Variants in CNTN5 observed in about 807,000 individuals in gnomAD.
The protein encoded by CNTN5 is contactin-5.
In CNTN5, 77 loss-of-function variants were observed where a neutral mutation model predicts 129.1. That is an observed-to-expected ratio of 0.60 (90% CI 0.50 to 0.72). The LOEUF (loss-of-function observed/expected upper bound fraction) is 0.72. Ranked by LOEUF, CNTN5 falls within the 30% of genes least tolerant of loss-of-function variation. The pLI is 0.00. For synonymous variants in CNTN5, 509 were observed against 465.6 expected, an observed-to-expected ratio of 1.09 and a Z score of -1.20; for missense variants, 1,478 against 1,328.8, an observed-to-expected ratio of 1.11 and a Z score of -1.75.
chr11:99,894,339 C>A (rs1469387415), intron 6 of CNTN5, among the ~76,000 whole-genome samples: 1 of 151,748 alleles, frequency 6.6e-6, no homozygotes, highest in Non-Finnish European at 1.5e-5. Context: ...TATAAAGACA[C>A]CAGAGTCCTA....
chr11:99,871,564 A>T (rs2135813464), intron 6 of CNTN5, among the ~76,000 whole-genome samples: 1 of 152,170 alleles, frequency 6.6e-6, no homozygotes, highest in Admixed American at 6.5e-5. Flanking sequence ...GCATGTGTTT[A>T]ATGTCAGGTA....
intron 9 of CNTN5, among the ~76,000 whole-genome samples, chr11:100,019,518 A>G (rs1381854370): frequency 2.0e-5 from 3 of 151,990 alleles, no homozygotes; most frequent in African/African-American, 2.4e-5. Context: ...TACAAATGAC[A>G]GGATTTCCTT....
chr11:100,046,275 C>T (rs1359201852), intron 9 of CNTN5, among the ~76,000 whole-genome samples: 2 of 152,038 alleles, frequency 1.3e-5, no homozygotes, highest in Non-Finnish European at 2.9e-5. Flanking sequence ...ATTATGAATC[C>T]AGCAACCAAC....
chr11:99,962,890 G>T (rs1747566282), intron 8 of CNTN5, among the ~76,000 whole-genome samples: 2 of 150,574 alleles, frequency 1.3e-5, no homozygotes, highest in East Asian at 3.9e-4. Context: ...GTTTTGATTT[G>T]CATTTCTCTG....
intron 20 of CNTN5, among the ~76,000 whole-genome samples, chr11:100,307,245 A>T (rs923294011): frequency 2.0e-5 from 3 of 151,662 alleles, no homozygotes; most frequent in Admixed American, 6.6e-5. Flanking sequence ...TTGAAAAAAA[A>T]AATTCATAGA....
chr11:99,857,134 CTTTA>C (rs1193962900), intron 6 of CNTN5, among the ~76,000 whole-genome samples: 1 of 150,910 alleles, frequency 6.6e-6, no homozygotes. Flanking sequence ...CATATGATTC[CTTTA>C]TTTATTTCTG....
intron 2 of CNTN5, among the ~76,000 whole-genome samples, chr11:99,549,321 A>C (rs1262640769): frequency 6.6e-6 from 1 of 151,960 alleles, no homozygotes; most frequent in Non-Finnish European, 1.5e-5. Context: ...TTACTCTTTT[A>C]TGAATGGAGT....
intron 6 of CNTN5, among the ~76,000 whole-genome samples, chr11:99,880,568 A>G (rs1016031381): frequency 1.3e-5 from 2 of 152,164 alleles, no homozygotes; most frequent in African/African-American, 4.8e-5. Flanking sequence ...GCAGCTCCCA[A>G]GAGACTAATG....
At chr11:99,135,445 C>T (rs1045196107) in intron 1 of CNTN5, among the ~76,000 whole-genome samples, 7 of 152,020 alleles carry the variant, frequency 4.6e-5, no homozygotes, top group Admixed American at 1.3e-4. Flanking sequence ...AAAGACATTA[C>T]GGTGAACATA....
At chr11:99,500,417 A>T (rs1946384479) in intron 2 of CNTN5, among the ~76,000 whole-genome samples, 1 of 152,136 alleles carries the variant, frequency 6.6e-6, no homozygotes, top group Non-Finnish European at 1.5e-5. Context: ...AAATGGAAAA[A>T]ATATTTTTTT....
intron 1 of CNTN5, among the ~76,000 whole-genome samples, chr11:99,252,771 G>A (rs1443218640): frequency 6.6e-6 from 1 of 151,974 alleles, no homozygotes; most frequent in African/African-American, 2.4e-5. Flanking sequence ...AGTTTTTACT[G>A]AATTGATATT....
intron 2 of CNTN5, among the ~76,000 whole-genome samples, chr11:99,344,290 T>A (rs955850130): frequency 6.6e-6 from 1 of 152,188 alleles, no homozygotes; most frequent in African/African-American, 2.4e-5. Flanking sequence ...GAATTACCTT[T>A]CTCATTGTTT....
intron 2 of CNTN5, among the ~76,000 whole-genome samples, chr11:99,452,867 G>A (rs1051451027): frequency 1.3e-5 from 2 of 152,116 alleles, no homozygotes; most frequent in African/African-American, 4.8e-5. Flanking sequence ...AGGTAGCATA[G>A]CTAAAGAAAA....
intron 2 of CNTN5, among the ~76,000 whole-genome samples, chr11:99,532,165 C>A (rs1947734991): frequency 6.6e-6 from 1 of 152,140 alleles, no homozygotes; most frequent in African/African-American, 2.4e-5. Context: ...TGGCAATACA[C>A]CTCTTGCATC....
chr11:99,893,821 G>C (rs893670026), intron 6 of CNTN5, among the ~76,000 whole-genome samples: 3 of 151,992 alleles, frequency 2.0e-5, no homozygotes, highest in Non-Finnish European at 2.9e-5. Context: ...ATTAACATAA[G>C]CATATTTATA....
At chr11:99,343,792 A>AAATC (rs975627607) in intron 2 of CNTN5, among the ~76,000 whole-genome samples, 3 of 152,188 alleles carry the variant, frequency 2.0e-5, no homozygotes, top group Non-Finnish European at 4.4e-5. Flanking sequence ...AGTTTCATAT[A>AAATC]AATCAATCAG....
intron 3 of CNTN5, among the ~76,000 whole-genome samples, chr11:99,752,240 T>C (rs1467778683): frequency 6.6e-6 from 1 of 152,210 alleles, no homozygotes; most frequent in East Asian, 1.9e-4. Flanking sequence ...GCGCTTTGTT[T>C]TTCAGAAAGT....
intron 4 of CNTN5, among the ~76,000 whole-genome samples, chr11:99,830,137 T>A (rs1035488292): frequency 6.6e-6 from 1 of 152,090 alleles, no homozygotes; most frequent in African/African-American, 2.4e-5. Context: ...GCGGGGAGCA[T>A]GTTCTTCTGT....
rs368498628 is a variant in CNTN5, at chr11:99,556,238, G to T, written c.24G>T (p.Met8Ile). The T allele has an allele frequency of 2.6e-6, 4 of 1,516,570 alleles. No individual in the cohort carries two copies. The highest frequency in any genetic ancestry group is 3.6e-6 in the Non-Finnish European group (4 of 1,124,712). The allele number at this position is 1,516,570 out of a possible 1,614,324, so 93.9% of individuals were successfully genotyped here. A position where few individuals can be genotyped will look rare whatever the true frequency, so the allele number is the denominator to read the frequency against. The change falls in exon 3 of 25, where the codon ATG becomes ATT. Residue 8 changes from methionine (M) to isoleucine (I), a missense_variant. Met to Ile is a conservative substitution (Grantham distance 10, BLOSUM62 1). Transcript: ENST00000524871. ...GGATGGCTTCCTCTTGGAAACTAAT[G>T]CTGTTTCTGTCAGTCACCATGTGTC... is the stretch of plus-strand genomic sequence containing the variant. MASSWKL[M>I]LFLSVTMCLS...
Sources: allele counts gnomAD v4.1 joint callset (sites outside exome capture counted in the v4.1 genomes callset), GRCh38; gene constraint gnomAD v4.1.1; transcripts MANE v1.5; gene names NCBI Gene and HGNC (gene_info 2026-07-23, HGNC 2026-07-21).